MAP3K8: variants seen among roughly 807,000 people sequenced by gnomAD.
MAP3K8 encodes the protein Ewing sarcoma transformant.
Under a neutral mutation model 45.8 loss-of-function variants are expected in MAP3K8, and 22 were observed. The observed-to-expected ratio is 0.48, with a 90% CI of 0.34 to 0.69. The LOEUF (loss-of-function observed/expected upper bound fraction) is 0.69. MAP3K8 is among the 30% of genes least tolerant of loss of function. MAP3K8 has a pLI of 0.01. For synonymous variants in MAP3K8, 223 were observed against 214.3 expected (o/e 1.04, Z -0.36); for missense variants, 419 against 585.0 (o/e 0.72, Z 2.93).
chr10:30,448,601 T>C (rs1836427750), intron 4 of MAP3K8, among the ~76,000 whole-genome samples: 1 of 151,628 alleles, frequency 6.6e-6, no homozygotes, highest in African/African-American at 2.4e-5. Flanking sequence ...CCCAGCTAAT[T>C]TTTTGTATTT....
At chr10:30,452,785 C>T (rs555604827) in intron 6 of MAP3K8, among the ~76,000 whole-genome samples, 6 of 152,192 alleles carry the variant, frequency 3.9e-5, no homozygotes, top group Admixed American at 1.3e-4. Flanking sequence ...TGGGTTCAAG[C>T]GCTTCTTAGT....
chr10:30,459,936 G>A (rs1270978727), intron 8 of MAP3K8, among the ~76,000 whole-genome samples: 2 of 151,800 alleles, frequency 1.3e-5, no homozygotes, highest in Non-Finnish European at 2.9e-5. Flanking sequence ...TCTGCCTCCC[G>A]GTTTCAAGTG....
At chr10:30,434,911 C>T (rs932045296) in intron 1 of MAP3K8, among the ~76,000 whole-genome samples, 8 of 152,340 alleles carry the variant, frequency 5.3e-5, no homozygotes, top group African/African-American at 1.9e-4. Flanking sequence ...GAACTAAATT[C>T]AAGTTTGTAA....
intron 5 of MAP3K8, among the ~76,000 whole-genome samples, chr10:30,450,850 G>A (rs939144297): frequency 1.3e-5 from 2 of 151,668 alleles, no homozygotes; most frequent in African/African-American, 4.8e-5. Flanking sequence ...GGGATGCTGT[G>A]GCAAGTTGAT....
intron 4 of MAP3K8, 92 bp downstream of exon 4, chr10:30,448,041 C>A: frequency 1.7e-6 from 2 of 1,184,398 alleles, no homozygotes; most frequent in Non-Finnish European, 1.2e-6. Context: ...AGGTTTTTAT[C>A]GTTTGATTGG....
At position 30,457,331 on chromosome 10, in the gene MAP3K8, T is replaced by C. The variant is rs182636102; in HGVS notation, c.874-753T>C. Among the ~76,000 whole-genome samples, 1,186 of 152,338 alleles carry C rather than the reference T, an allele frequency of 7.8e-3. 10 individuals are homozygous for C. The highest frequency in any genetic ancestry group is 0.012 in the Non-Finnish European group (826 of 68,040). ...ATAACAGATAGTTTGTAAAAATGAC[T>C]CTTTAGAATCACTTCTACAATATTA... On this transcript the variant is annotated intron_variant, in intron 6 of 8. Coordinates refer to ENST00000263056, the MANE Select transcript of MAP3K8 (RefSeq NM_005204.4).
At chr10:30,460,270 T>C (rs1407631281) in intron 8 of MAP3K8, among the ~76,000 whole-genome samples, 1 of 152,240 alleles carries the variant, frequency 6.6e-6, no homozygotes, top group Non-Finnish European at 1.5e-5. Flanking sequence ...ATCTTGCCAG[T>C]TGTAAATTTT....
chr10:30,456,003 C>A (rs914031513), intron 6 of MAP3K8, among the ~76,000 whole-genome samples: 1 of 152,172 alleles, frequency 6.6e-6, no homozygotes, highest in Non-Finnish European at 1.5e-5. Context: ...TTCCATCCCC[C>A]CAGGCTGCCT....
rs778109839 is a variant in MAP3K8 at position 30,437,342 on chromosome 10, C to T, written c.-88C>T. ...AAATGACACAGCTTATTTACCATGC[C>T]CCTGACACTGCACTGAGCACTTTAT... On this transcript the variant is annotated 5_prime_UTR_variant, in exon 2 of 9. Transcript: ENST00000263056. 9.2e-6 allele frequency: 9 copies of T among 981,936 alleles called. No homozygotes were observed. Among genetic ancestry groups the T allele is most frequent in the Non-Finnish European group, 1.1e-5 (9 of 826,956 alleles). The allele number at this position is 981,936 out of a possible 1,614,324, so 60.8% of individuals were successfully genotyped here. A position where few individuals can be genotyped will look rare whatever the true frequency, so the allele number is the denominator to read the frequency against.
chr10:30,436,073 A>G (rs1387052687), intron 1 of MAP3K8, among the ~76,000 whole-genome samples: 1 of 152,148 alleles, frequency 6.6e-6, no homozygotes, highest in African/African-American at 2.4e-5. Context: ...TTTTGACTGT[A>G]TTTGCACATC....
intron 4 of MAP3K8, 105 bp downstream of exon 4, chr10:30,448,054 C>G (rs761875421): frequency 2.9e-6 from 3 of 1,032,836 alleles, no homozygotes; most frequent in Non-Finnish European, 4.2e-6. Flanking sequence ...TTGATTGGGT[C>G]TTATCTGAGG....
At chr10:30,435,756 C>T (rs569583157) in intron 1 of MAP3K8, among the ~76,000 whole-genome samples, 310 of 152,328 alleles carry the variant, frequency 2.0e-3, no homozygotes, top group African/African-American at 6.6e-3. Context: ...GTTGGCCAGG[C>T]TGGTCTTGAA....
intron 1 of MAP3K8, among the ~76,000 whole-genome samples, chr10:30,435,713 C>T (rs1276273869): frequency 1.3e-5 from 2 of 152,134 alleles, no homozygotes; most frequent in Admixed American, 1.3e-4. Flanking sequence ...CCGCCACGCC[C>T]GGCTAATTTT....
chr10:30,451,393 C>A (rs1392096165), intron 5 of MAP3K8, among the ~76,000 whole-genome samples: 2 of 152,110 alleles, frequency 1.3e-5, no homozygotes, highest in Non-Finnish European at 2.9e-5. Context: ...AATTCAAGTT[C>A]TTGAACATTA....
intron 3 of MAP3K8, among the ~76,000 whole-genome samples, chr10:30,441,687 G>A (rs532260451): frequency 6.6e-6 from 1 of 152,142 alleles, no homozygotes; most frequent in Non-Finnish European, 1.5e-5. Flanking sequence ...TGACTTTCCT[G>A]CCACTCACAT....
intron 3 of MAP3K8, among the ~76,000 whole-genome samples, chr10:30,439,960 G>T (rs1836045181): frequency 6.6e-6 from 1 of 152,210 alleles, no homozygotes; most frequent in Non-Finnish European, 1.5e-5. Context: ...TGAATTATTT[G>T]TTCCTTTCTT....
chr10:30,438,900 G>T lies in MAP3K8; in HGVS notation c.-23-16G>T. On this transcript the variant is annotated splice_polypyrimidine_tract_variant and intron_variant, in intron 2 of 8. Transcript: ENST00000263056. The stretch of plus-strand genomic sequence containing the variant: ...TACAAATATCGTAAACTAAATATTT[G>T]TGTTTTCTTTCCTAGACTCTCCAGA... 1 of 1,361,860 alleles carries T rather than the reference G, an allele frequency of 7.3e-7. No homozygotes were observed. The highest frequency in any genetic ancestry group is 1.5e-5 in the African/African-American group (1 of 68,460). The allele number at this position is 1,361,860 out of a possible 1,614,324, so 84.4% of individuals were successfully genotyped here.
At chr10:30,443,083 A>G (rs1836169713) in intron 3 of MAP3K8, among the ~76,000 whole-genome samples, 1 of 152,158 alleles carries the variant, frequency 6.6e-6, no homozygotes. Flanking sequence ...GTTTAGTGCA[A>G]GCCCTACTTA....
Position 30,450,493 on chromosome 10 carries a change from A to G in MAP3K8, c.740A>G (p.Lys247Arg). 6.2e-7 allele frequency: 1 copy of G among 1,614,164 alleles called. No individual in the cohort carries two copies. Among genetic ancestry groups the G allele is most frequent in the Non-Finnish European group, 8.5e-7 (1 of 1,179,998 alleles). The change falls in exon 5 of 9, where the codon AAG becomes AGG. Residue 247 changes from lysine to arginine, a missense_variant. Coordinates refer to ENST00000263056, the MANE Select transcript of MAP3K8 (RefSeq NM_005204.4). ...AAGGGACTTGATTTTCTACACTCAAAGAAAGTGATCCATCATGATATTAAA... is the reference window on the plus strand; with the variant it reads ...AAGGGACTTGATTTTCTACACTCAAGGAAAGTGATCCATCATGATATTAAA... The part of the protein sequence containing the change: ...VLKGLDFLHS[K>R]KVIHHDIKPS...
Sources: allele counts gnomAD v4.1 joint callset (sites outside exome capture counted in the v4.1 genomes callset), GRCh38; gene constraint gnomAD v4.1.1; transcripts MANE v1.5; gene names NCBI Gene and HGNC (gene_info 2026-07-23, HGNC 2026-07-21).